Variants in TANC2 observed in about 807,000 individuals in gnomAD.
TANC2 encodes the protein tetratricopeptide repeat, ankyrin repeat and coiled-coil containing 2, also known as protein TANC2.
TANC2 carries 26 observed loss-of-function variants against 210.5 expected under a neutral mutation model. The ratio of observed to expected loss-of-function variants is 0.12; its 90% CI spans 0.09 to 0.17. The LOEUF (loss-of-function observed/expected upper bound fraction) is 0.17, where lower values mean the gene tolerates loss of function less well. Ranked by LOEUF, TANC2 falls within the 10% of genes least tolerant of loss-of-function variation. TANC2 has a pLI of 1.00. For synonymous variants in TANC2, 931 were observed against 967.1 expected, an observed-to-expected ratio of 0.96 and a Z score of 0.69; for missense variants, 2,129 against 2,608.9, an observed-to-expected ratio of 0.82 and a Z score of 4.01.
intron 8 of TANC2, among the ~76,000 whole-genome samples, chr17:63,248,196 C>T (rs1298697919): frequency 6.6e-6 from 1 of 151,838 alleles, no homozygotes; most frequent in African/African-American, 2.4e-5. Context: ...GATACACATA[C>T]TTTCCTTTCC....
chr17:63,298,599 A>G (rs1417209570), intron 9 of TANC2, among the ~76,000 whole-genome samples: 1 of 152,162 alleles, frequency 6.6e-6, no homozygotes, highest in Non-Finnish European at 1.5e-5. Flanking sequence ...TTGGAACTAG[A>G]TAGAAGTGGT....
At chr17:63,063,740 A>G (rs902369830) in intron 2 of TANC2, among the ~76,000 whole-genome samples, 44 of 151,142 alleles carry the variant, frequency 2.9e-4, no homozygotes, top group African/African-American at 8.5e-4. Flanking sequence ...GTTACCCAGT[A>G]TTGTAATTCT....
chr17:63,371,138 A>G (rs550025934), intron 14 of TANC2, among the ~76,000 whole-genome samples: 1 of 152,224 alleles, frequency 6.6e-6, no homozygotes, highest in Admixed American at 6.5e-5. Flanking sequence ...CTGTAACTAT[A>G]CCACTTTGTC....
At chr17:63,387,675 G>C (rs2047828405) in intron 15 of TANC2, among the ~76,000 whole-genome samples, 1 of 152,192 alleles carries the variant, frequency 6.6e-6, no homozygotes, top group Non-Finnish European at 1.5e-5. Flanking sequence ...ATTTGATCCA[G>C]ATATTGACAG....
At chr17:63,276,863 C>G (rs1310719350) in intron 9 of TANC2, among the ~76,000 whole-genome samples, 6 of 152,120 alleles carry the variant, frequency 3.9e-5, no homozygotes, top group African/African-American at 1.4e-4. Flanking sequence ...CCTCACAACT[C>G]TTTAAGTAGT....
chr17:63,298,017 C>A (rs1255864153), intron 9 of TANC2, among the ~76,000 whole-genome samples: 3 of 151,862 alleles, frequency 2.0e-5, no homozygotes, highest in East Asian at 1.9e-4. Context: ...TATTTTACAC[C>A]CCCTAGGATG....
chr17:63,327,518 A>G (rs2045688463), intron 11 of TANC2, among the ~76,000 whole-genome samples: 1 of 152,210 alleles, frequency 6.6e-6, no homozygotes, highest in East Asian at 1.9e-4. Flanking sequence ...CAGTTTGGAA[A>G]TTTCTCAAAG....
chr17:63,220,713 A>AT (rs1302451440), intron 7 of TANC2, among the ~76,000 whole-genome samples: 1,515 of 140,522 alleles, frequency 0.011, 25 homozygotes, highest in African/African-American at 0.026. Flanking sequence ...CAAAAAAAAA[A>AT]AAAAAAATAT....
At chr17:63,259,128 T>G (rs2043284426) in intron 8 of TANC2, among the ~76,000 whole-genome samples, 1 of 152,158 alleles carries the variant, frequency 6.6e-6, no homozygotes, top group Non-Finnish European at 1.5e-5. Context: ...TTCTGGGAGC[T>G]AGGGCCCGAA....
At chr17:63,415,807 G>A in intron 26 of TANC2, 133 bp downstream of exon 26, 1 of 1,040,110 alleles carries the variant, frequency 9.6e-7, no homozygotes. Flanking sequence ...ACAGAGCACT[G>A]ACATTTGCAA....
At chr17:63,330,377 A>G (rs2045796854) in intron 11 of TANC2, among the ~76,000 whole-genome samples, 2 of 152,224 alleles carry the variant, frequency 1.3e-5, no homozygotes, top group African/African-American at 4.8e-5. Context: ...CACTTAAACC[A>G]TAGATTTTCC....
At chr17:63,422,126 C>A in exon 28 of TANC2, 1 of 776,538 alleles carries the variant, frequency 1.3e-6, no homozygotes, top group Non-Finnish European at 2.0e-6. Flanking sequence ...GGGAAGCGGC[C>A]TCCCGGGAGC....
At position 63,055,049 on chromosome 17, in the gene TANC2, G is replaced by A. The variant is rs147282815; in HGVS notation, c.68-18894G>A. Among the ~76,000 whole-genome samples, 578 of 152,232 alleles carry A rather than the reference G, an allele frequency of 3.8e-3. 2 individuals are homozygous for A. The highest frequency in any genetic ancestry group is 6.4e-3 in the Non-Finnish European group (437 of 68,006). ...GGCTAGATTAAGTTATTTTTCAACC[G>A]TCATGTTTTGATCCTGGATTGAGAG... On this transcript the variant is annotated intron_variant, in intron 2 of 27. Transcript: ENST00000689528.
chr17:63,410,096 G>C (rs1428050505), intron 21 of TANC2, among the ~76,000 whole-genome samples: 1 of 152,116 alleles, frequency 6.6e-6, no homozygotes, highest in Non-Finnish European at 1.5e-5. Context: ...ATACATTGTG[G>C]AATGGCTAAA....
intron 2 of TANC2, among the ~76,000 whole-genome samples, chr17:63,032,135 T>A (rs542845395): frequency 3.5e-4 from 54 of 152,318 alleles, no homozygotes; most frequent in Admixed American, 9.8e-4. Flanking sequence ...CACATTTGTT[T>A]TAGTTCAAAT....
Position 63,418,275 on chromosome 17 carries a change from A to G in TANC2, c.4168-32A>G, listed in dbSNP as rs200980430. ...GTTGTCTATTTTTTATATCTCATCA[A>G]TGACTCATTTGCACACCTATTGTAA... is the stretch of plus-strand genomic sequence containing the variant. On this transcript the variant is annotated intron_variant, in intron 26 of 27. Transcript: ENST00000689528. The surrounding 1 kb of genome is among the most constrained non-coding windows in gnomAD (Gnocchi z 4.6). 47 of 1,583,088 alleles carry G rather than the reference A, an allele frequency of 3.0e-5. 1 individual carries two copies. The highest frequency in any genetic ancestry group is 3.4e-5 in the Non-Finnish European group (39 of 1,157,344).
intron 1 of TANC2, among the ~76,000 whole-genome samples, chr17:62,992,441 G>A (rs2143596340): frequency 2.0e-5 from 3 of 152,298 alleles, no homozygotes; most frequent in South Asian, 4.1e-4. Flanking sequence ...TTTGATCAAT[G>A]TATAAAGTGT....
At chr17:63,062,147 C>T (rs1474729941) in intron 2 of TANC2, among the ~76,000 whole-genome samples, 1 of 151,840 alleles carries the variant, frequency 6.6e-6, no homozygotes, top group African/African-American at 2.4e-5. Context: ...CTCTTTCTTT[C>T]CTTTCCTGTC....
At chr17:62,996,309 A>C (rs1439916621) in intron 1 of TANC2, among the ~76,000 whole-genome samples, 1 of 152,188 alleles carries the variant, frequency 6.6e-6, no homozygotes, top group Non-Finnish European at 1.5e-5. Context: ...TAGGCAGACA[A>C]GATTAAAAAC....
Sources: allele counts gnomAD v4.1 joint callset (sites outside exome capture counted in the v4.1 genomes callset), GRCh38; gene constraint gnomAD v4.1.1; non-coding constraint Gnocchi (gnomAD v3.1); transcripts MANE v1.5; gene names NCBI Gene and HGNC (gene_info 2026-07-23, HGNC 2026-07-21).